GALNT17: variants seen among roughly 807,000 people sequenced by gnomAD.
GALNT17 encodes the protein UDP-GalNAc:polypeptide N-acetylgalactosaminyltransferase-like 3.
A neutral mutation model predicts 63.7 loss-of-function variants in GALNT17; 29 were observed. That is an observed-to-expected ratio of 0.46 (90% CI 0.34 to 0.62). The LOEUF is 0.62. Among genes scored for constraint, GALNT17 ranks in the 20% least tolerant of loss-of-function variants. GALNT17 has a pLI of 0.01. For missense variants in GALNT17, 603 were observed against 799.6 expected, an observed-to-expected ratio of 0.75 and a Z score of 2.97; for synonymous variants, 305 against 318.3, an observed-to-expected ratio of 0.96 and a Z score of 0.45.
At chr7:71,248,694 A>G (rs1297305002) in intron 1 of GALNT17, among the ~76,000 whole-genome samples, 1 of 152,128 alleles carries the variant, frequency 6.6e-6, no homozygotes, top group Non-Finnish European at 1.5e-5. Flanking sequence ...TGGGTGTAAT[A>G]ATAATAGTTT....
Position 71,235,218 on chromosome 7 carries a change from T to C in GALNT17, c.239-100332T>C, listed in dbSNP as rs1411939122. Reference sequence around the variant, plus strand: ...GTGAGCCAAGATTGCGCCATTGCACTCCAGCCTGGGTGACAGAGCAACACT... The same window carrying C: ...GTGAGCCAAGATTGCGCCATTGCACCCCAGCCTGGGTGACAGAGCAACACT... On this transcript the variant is annotated intron_variant, in intron 1 of 10. Coordinates refer to ENST00000333538, the MANE Select transcript of GALNT17 (RefSeq NM_022479.3). Among the ~76,000 whole-genome samples, 3 of 149,790 alleles carry C rather than the reference T, an allele frequency of 2.0e-5. No homozygotes were observed. The East Asian group carries it at 5.9e-4, about 29-fold the overall frequency.
intron 6 of GALNT17, among the ~76,000 whole-genome samples, chr7:71,632,454 T>G (rs1424534360): frequency 6.6e-6 from 1 of 152,102 alleles, no homozygotes; most frequent in African/African-American, 2.4e-5. Flanking sequence ...GGTGCTCTGA[T>G]GGGGTGAGAG....
At chr7:71,424,813 G>A (rs916050002) in intron 5 of GALNT17, among the ~76,000 whole-genome samples, 5 of 152,090 alleles carry the variant, frequency 3.3e-5, no homozygotes, top group African/African-American at 7.2e-5. Flanking sequence ...TTAATAGTAC[G>A]ATTTTGCTCC....
intron 1 of GALNT17, among the ~76,000 whole-genome samples, chr7:71,266,391 G>A (rs1191409154): frequency 2.0e-5 from 3 of 152,110 alleles, no homozygotes; most frequent in Non-Finnish European, 2.9e-5. Context: ...ATGAGATCTG[G>A]TTGTTTGAAA....
chr7:71,332,603 T>A (rs892950653), intron 1 of GALNT17, among the ~76,000 whole-genome samples: 2 of 152,240 alleles, frequency 1.3e-5, no homozygotes, highest in African/African-American at 4.8e-5. Flanking sequence ...TTGGATAGCC[T>A]TTCATCTTGC....
chr7:71,338,681 C>G (rs1583873017), intron 2 of GALNT17, among the ~76,000 whole-genome samples: 2 of 152,156 alleles, frequency 1.3e-5, no homozygotes, highest in South Asian at 4.1e-4. Flanking sequence ...GGCAGAACTC[C>G]ACCTCCGCTT....
At chr7:71,560,277 G>A (rs1337864342) in intron 5 of GALNT17, among the ~76,000 whole-genome samples, 1 of 151,726 alleles carries the variant, frequency 6.6e-6, no homozygotes, top group Admixed American at 6.6e-5. Flanking sequence ...AGTAAAGGGT[G>A]CTGTTGGTCT....
rs142443674 is a variant in GALNT17 at position 71,203,858 on chromosome 7, C to T, written c.238+70818C>T. ...CATATTTTTCAAATTATTTTCTCCC[C>T]GTCCATGGGTTGTCTCTTCACTCTG... On this transcript the variant is annotated intron_variant, in intron 1 of 10. Transcript: ENST00000333538. Among the ~76,000 whole-genome samples, 138 of 152,214 alleles carry T rather than the reference C, an allele frequency of 9.1e-4. 1 individual carries two copies. Among genetic ancestry groups the T allele is most frequent in the African/African-American group, 3.0e-3 (126 of 41,522 alleles).
intron 5 of GALNT17, among the ~76,000 whole-genome samples, chr7:71,442,914 G>A (rs934277483): frequency 5.3e-5 from 8 of 152,136 alleles, no homozygotes; most frequent in African/African-American, 1.2e-4. Context: ...TTTAACTTCC[G>A]TGCATGAAGT....
intron 1 of GALNT17, among the ~76,000 whole-genome samples, chr7:71,170,135 C>T (rs1788520267): frequency 6.6e-6 from 1 of 152,000 alleles, no homozygotes; most frequent in African/African-American, 2.4e-5. Flanking sequence ...CTGTCTTGTC[C>T]TTGAGGATTG....
chr7:71,571,494 A>G lies in GALNT17; in HGVS notation c.1080+92A>G, dbSNP rs1789442395. The G allele has an allele frequency of 3.1e-6, 3 of 976,912 alleles. No homozygotes were observed. The South Asian group carries it at 4.0e-5, about 13-fold the overall frequency. The allele number at this position is 976,912 out of a possible 1,614,324, so 60.5% of individuals were successfully genotyped here. ...GTGGGGTGTATTTAAAGCTCCTTACAGCTGATGAATGACAGATTCATTTAC... is the reference window on the plus strand; with the variant it reads ...GTGGGGTGTATTTAAAGCTCCTTACGGCTGATGAATGACAGATTCATTTAC... On this transcript the variant is annotated intron_variant, in intron 6 of 10. Transcript: ENST00000333538.
chr7:71,299,212 C>T (rs1393578843), intron 1 of GALNT17, among the ~76,000 whole-genome samples: 14 of 152,142 alleles, frequency 9.2e-5, no homozygotes, highest in Admixed American at 5.9e-4. Context: ...CCTTGACCCC[C>T]GGTGCAATCA....
intron 1 of GALNT17, among the ~76,000 whole-genome samples, chr7:71,236,652 A>T (rs1789897081): frequency 6.6e-6 from 1 of 152,170 alleles, no homozygotes. Flanking sequence ...GGATCGCAGG[A>T]TGCAACCTCC....
At chr7:71,325,199 G>C (rs981814552) in intron 1 of GALNT17, among the ~76,000 whole-genome samples, 26 of 152,202 alleles carry the variant, frequency 1.7e-4, no homozygotes, top group Non-Finnish European at 3.1e-4. Flanking sequence ...GGCTGCAATG[G>C]CTGCAATTTG....
intron 1 of GALNT17, among the ~76,000 whole-genome samples, chr7:71,151,118 A>G (rs1347124670): frequency 1.3e-5 from 2 of 152,034 alleles, no homozygotes; most frequent in African/African-American, 4.8e-5. Flanking sequence ...CTTATCTGTT[A>G]TAGCAGCTAG....
intron 6 of GALNT17, among the ~76,000 whole-genome samples, chr7:71,629,773 C>T (rs1790428820): frequency 6.6e-6 from 1 of 152,184 alleles, no homozygotes; most frequent in South Asian, 2.1e-4. Context: ...CACAAGCCAC[C>T]ATGCCTGAAT....
intron 5 of GALNT17, among the ~76,000 whole-genome samples, chr7:71,506,278 T>G (rs534474171): frequency 6.6e-6 from 1 of 152,248 alleles, no homozygotes; most frequent in South Asian, 2.1e-4. Flanking sequence ...TTTTATTTAT[T>G]TATTTTGAGA....
chr7:71,392,531 TTGA>T (rs1793068798), intron 3 of GALNT17, among the ~76,000 whole-genome samples: 1 of 152,204 alleles, frequency 6.6e-6, no homozygotes, highest in Non-Finnish European at 1.5e-5. Context: ...AAGCTCCTAT[TTGA>T]TGCTTACGTA....
chr7:71,516,094 C>T (rs4429999), intron 5 of GALNT17, among the ~76,000 whole-genome samples: 3,065 of 152,100 alleles, frequency 0.02, 109 homozygotes, highest in African/African-American at 0.07. Context: ...AAGTGAGATA[C>T]GCATTGGACT....
Sources: gnomAD v4.1 joint callset for allele counts (sites outside exome capture counted in the v4.1 genomes callset) on GRCh38, gnomAD v4.1.1 for gene constraint, MANE v1.5 for transcripts, NCBI Gene and HGNC (gene_info 2026-07-23, HGNC 2026-07-21) for gene names.